Variants in NEXN observed in about 807,000 individuals in gnomAD.
NEXN encodes nexilin.
A neutral mutation model predicts 92.6 loss-of-function variants in NEXN; 65 were observed. The ratio of observed to expected loss-of-function variants is 0.70; its 90% confidence interval spans 0.57 to 0.86. The LOEUF is 0.86. Among genes scored for constraint, NEXN ranks in the 40% least tolerant of loss-of-function variants. The pLI, the probability that NEXN is intolerant of heterozygous loss-of-function variation, is 0.00. For synonymous variants in NEXN, 254 were observed against 242.5 expected (o/e 1.05, Z -0.44); for missense variants, 778 against 771.1 (o/e 1.01, Z -0.11).
At chr1:77,897,701 G>A (rs1647345211) in intron 1 of NEXN, among the ~76,000 whole-genome samples, 1 of 152,186 alleles carries the variant, frequency 6.6e-6, no homozygotes, top group African/African-American at 2.4e-5. Flanking sequence ...ATTCAATTAG[G>A]AAAAGAGAAA....
rs373772489 is a variant in NEXN, at chr1:77,891,747, TAA to T, written c.-53+3010_-53+3011del. ...CTGATTACCAAGTGTGGAAAAAAAG[TAA>T]AAAAAAAAAAAAAAAAAAAAATCAA... On this transcript the variant is annotated intron_variant, in intron 1 of 12. Coordinates refer to ENST00000334785, the MANE Select transcript of NEXN (RefSeq NM_144573.4). 8.0e-3 allele frequency among the ~76,000 whole-genome samples: 1,038 copies of T among 128,998 alleles called. 8 individuals carry two copies. The highest frequency in any genetic ancestry group is 0.022 in the Middle Eastern group (5 of 228). The allele number at this position is 128,998 out of a possible 152,430, so 84.6% of individuals were successfully genotyped here.
intron 12 of NEXN, 45 bp downstream of exon 12, chr1:77,942,253 A>C (rs374603751): frequency 2.0e-4 from 313 of 1,584,500 alleles, no homozygotes; most frequent in Non-Finnish European, 5.3e-5. Flanking sequence ...TGCCCTCTTA[A>C]AACCCATAGT....
chr1:77,930,082 C>T (rs1002346518), intron 9 of NEXN, among the ~76,000 whole-genome samples: 4 of 152,204 alleles, frequency 2.6e-5, no homozygotes, highest in Non-Finnish European at 1.5e-5. Context: ...GTACAATGTA[C>T]AGTTATCTGA....
intron 2 of NEXN, among the ~76,000 whole-genome samples, chr1:77,916,629 C>A (rs949453725): frequency 6.6e-6 from 1 of 151,974 alleles, no homozygotes; most frequent in African/African-American, 2.4e-5. Context: ...ATAAAGTTAA[C>A]CCTTAAATGG....
intron 10 of NEXN, among the ~76,000 whole-genome samples, chr1:77,934,808 T>C (rs1012058640): frequency 6.6e-6 from 1 of 152,250 alleles, no homozygotes; most frequent in African/African-American, 2.4e-5. Flanking sequence ...GGCAATGCTA[T>C]GGCATGTTTG....
chr1:77,934,912 TG>T lies in NEXN; in HGVS notation c.1252-910del, dbSNP rs1173406937. 3.9e-5 allele frequency among the ~76,000 whole-genome samples: 6 copies of T among 152,386 alleles called. No individual in the cohort carries two copies. In the East Asian group the frequency reaches 9.6e-4, roughly 24 times the overall value. ...TGAGTATTAAGAGTGATGTTTACTT[TG>T]TAAGACTACCATAAAATCAAAAGTA... On this transcript the variant is annotated intron_variant, in intron 10 of 12. Coordinates refer to ENST00000334785, the MANE Select transcript of NEXN (RefSeq NM_144573.4).
At chr1:77,893,572 C>T (rs2077763003) in intron 1 of NEXN, among the ~76,000 whole-genome samples, 2 of 152,074 alleles carry the variant, frequency 1.3e-5, no homozygotes, top group Admixed American at 1.3e-4. Flanking sequence ...GATTTTGGAT[C>T]AGACAGTTTT....
intron 1 of NEXN, among the ~76,000 whole-genome samples, chr1:77,902,061 T>C (rs1571079043): frequency 6.6e-6 from 1 of 152,226 alleles, no homozygotes. Flanking sequence ...TTATTATTTA[T>C]GTAGTAGCCT....
At chr1:77,936,119 G>C (rs1650743924) in intron 11 of NEXN, 75 bp downstream of exon 11, 12 of 1,182,202 alleles carry the variant, frequency 1.0e-5, no homozygotes, top group Non-Finnish European at 1.4e-5. Context: ...CATTGGCTTT[G>C]AAATAAGTTT....
At chr1:77,939,217 G>A (rs1166963448) in intron 11 of NEXN, among the ~76,000 whole-genome samples, 1 of 152,182 alleles carries the variant, frequency 6.6e-6, no homozygotes, top group South Asian at 2.1e-4. Context: ...AGGATATCTA[G>A]ATGATGCTAT....
At chr1:77,937,798 T>A (rs1038410824) in intron 11 of NEXN, among the ~76,000 whole-genome samples, 5 of 152,244 alleles carry the variant, frequency 3.3e-5, no homozygotes, top group Non-Finnish European at 7.3e-5. Context: ...CCTGTTCATA[T>A]AGTGTTTAGA....
rs1355836372 is a variant in NEXN at position 77,921,611 on chromosome 1, A to AT, written c.447+3344dup. On this transcript the variant is annotated intron_variant, in intron 5 of 12. Transcript: ENST00000334785. ...AGATGCATGCCACCATGCTTGGCTAATTTTTTAAAAATTTTTGGCCAGGTG... is the reference window on the plus strand; with the variant it reads ...AGATGCATGCCACCATGCTTGGCTAATTTTTTTAAAAATTTTTGGCCAGGTG... Among the ~76,000 whole-genome samples the AT allele has an allele frequency of 2.6e-5, 4 of 152,010 alleles. No homozygotes were observed. In the East Asian group the frequency reaches 7.8e-4, roughly 30 times the overall value.
At chr1:77,917,430 CA>C in intron 2 of NEXN, 135 bp from the exon 3 acceptor site, 1 of 684,014 alleles carries the variant, frequency 1.5e-6, no homozygotes, top group Admixed American at 2.7e-5. Context: ...TTGTGATGGT[CA>C]AATAAAGGGT....
intron 1 of NEXN, among the ~76,000 whole-genome samples, chr1:77,912,062 G>C (rs1458525336): frequency 6.7e-6 from 1 of 148,956 alleles, no homozygotes; most frequent in African/African-American, 2.5e-5. Context: ...CTGGGCGACA[G>C]AGTGAGACTC....
intron 5 of NEXN, among the ~76,000 whole-genome samples, chr1:77,921,754 A>G (rs985791520): frequency 1.3e-5 from 2 of 151,990 alleles, no homozygotes; most frequent in African/African-American, 4.8e-5. Flanking sequence ...TACAAAAATT[A>G]AAAAAAATTA....
rs145277663 is a variant in NEXN at position 77,909,674 on chromosome 1, A to G, written c.-52-6381A>G. The stretch of plus-strand genomic sequence containing the variant: ...AACAAGAAAAGTTAGGATCTTATTA[A>G]TAATTACAGGGAATCATGTCCCATC... On this transcript the variant is annotated intron_variant, in intron 1 of 12. Transcript: ENST00000334785. 1.8e-3 allele frequency among the ~76,000 whole-genome samples: 280 copies of G among 152,244 alleles called. 1 individual carries two copies. The highest frequency in any genetic ancestry group is 3.1e-3 in the Admixed American group (48 of 15,288).
At chr1:77,939,347 T>A (rs773989333) in intron 11 of NEXN, among the ~76,000 whole-genome samples, 2 of 152,180 alleles carry the variant, frequency 1.3e-5, no homozygotes, top group African/African-American at 4.8e-5. Context: ...GGCAAGCAGA[T>A]ACCAACTTTT....
intron 11 of NEXN, among the ~76,000 whole-genome samples, chr1:77,940,445 A>G (rs966680719): frequency 6.6e-6 from 1 of 152,212 alleles, no homozygotes; most frequent in African/African-American, 2.4e-5. Flanking sequence ...AGAAAAGTTG[A>G]CAATTGTACT....
intron 5 of NEXN, among the ~76,000 whole-genome samples, 168 bp downstream of exon 5, chr1:77,918,441 G>C (rs1448263511): frequency 1.3e-5 from 2 of 152,194 alleles, no homozygotes; most frequent in African/African-American, 2.4e-5. Flanking sequence ...ACTTTGGGAG[G>C]CCAAGCTGGG....
Sources: gnomAD v4.1 joint callset for allele counts (sites outside exome capture counted in the v4.1 genomes callset) on GRCh38, gnomAD v4.1.1 for gene constraint, MANE v1.5 for transcripts, NCBI Gene and HGNC (gene_info 2026-07-23, HGNC 2026-07-21) for gene names.